WDR26: variants seen among roughly 807,000 people sequenced by gnomAD.
WDR26 encodes WD repeat domain 26, also known as WD repeat-containing protein 26.
Under a neutral mutation model 84.1 loss-of-function variants are expected in WDR26, and 5 were observed. The observed-to-expected ratio is 0.06, with a 90% CI of 0.03 to 0.13. The LOEUF is 0.13. Among genes scored for constraint, WDR26 ranks in the 10% least tolerant of loss-of-function variants. The pLI is 1.00. For missense variants in WDR26, 642 were observed against 974.9 expected, an observed-to-expected ratio of 0.66 and a Z score of 4.55; for synonymous variants, 415 against 389.6, an observed-to-expected ratio of 1.07 and a Z score of -0.77.
chr1:224,434,674 G>A lies in WDR26; in HGVS notation c.-269C>T, dbSNP rs1348737808. ...GGCGCGGGGCCCGCCGCTGGGCTGAGCCCCGGCAGTGGCTGCGGCGGCGGC... is the reference window on the plus strand; with the variant it reads ...GGCGCGGGGCCCGCCGCTGGGCTGAACCCCGGCAGTGGCTGCGGCGGCGGC... On this transcript the variant is annotated 5_prime_UTR_variant, in exon 1 of 14. Transcript: ENST00000414423. The A allele has an allele frequency of 5.8e-6, 5 of 856,022 alleles. No homozygotes were observed. The highest frequency in any genetic ancestry group is 7.0e-6 in the Non-Finnish European group (5 of 714,406). The allele number at this position is 856,022 out of a possible 1,614,324, so 53.0% of individuals were successfully genotyped here. A position where few individuals can be genotyped will look rare whatever the true frequency, so the allele number is the denominator to read the frequency against.
chr1:224,434,346 G>A lies in WDR26; in HGVS notation c.60C>T (p.Thr20=), dbSNP rs1470636100. Residue 20 remains threonine (T), a synonymous_variant, in exon 1 of 14, where the codon ACC becomes ACT. Transcript: ENST00000414423. ...TCCGCGGGGGCGGGGAGGCTCCGCC[G>A]GTGTCCGAGTCGGAGGAGGAGGAAG... 3.3e-6 allele frequency: 4 copies of A among 1,228,684 alleles called. No individual in the cohort carries two copies. Among genetic ancestry groups the A allele is most frequent in the Non-Finnish European group, 4.1e-6 (4 of 986,484 alleles). The allele number at this position is 1,228,684 out of a possible 1,614,324, so 76.1% of individuals were successfully genotyped here. A position where few individuals can be genotyped will look rare whatever the true frequency, so the allele number is the denominator to read the frequency against.
At chr1:224,422,773 TATA>T (rs1674101908) in intron 4 of WDR26, among the ~76,000 whole-genome samples, 1 of 151,872 alleles carries the variant, frequency 6.6e-6, no homozygotes, top group Non-Finnish European at 1.5e-5. Context: ...GGGAAGCTAC[TATA>T]ATATTCTAGG....
chr1:224,404,260 T>C (rs1019380757), intron 8 of WDR26, among the ~76,000 whole-genome samples, 170 bp downstream of exon 8: 4 of 152,214 alleles, frequency 2.6e-5, no homozygotes, highest in African/African-American at 9.6e-5. Context: ...CTGAGCATAA[T>C]ACTTAAATTG....
At chr1:224,418,469 T>C in intron 5 of WDR26, 53 bp from the exon 6 acceptor site, 1 of 1,492,012 alleles carries the variant, frequency 6.7e-7, no homozygotes. Context: ...TGTAAACTTT[T>C]ATTTAAGACA....
At chr1:224,396,538 G>C (rs537108715) in intron 12 of WDR26, among the ~76,000 whole-genome samples, 17 of 152,312 alleles carry the variant, frequency 1.1e-4, no homozygotes, top group African/African-American at 4.1e-4. Flanking sequence ...AAAGCCAATA[G>C]AGAATCTAGA....
intron 11 of WDR26, 34 bp downstream of exon 11, chr1:224,398,481 C>T (rs1011847215): frequency 1.9e-6 from 3 of 1,555,428 alleles, no homozygotes; most frequent in Non-Finnish European, 2.6e-6. Context: ...TGTACTAAGC[C>T]AAATTTTTCA....
chr1:224,403,377 T>A (rs1673468181), intron 8 of WDR26, among the ~76,000 whole-genome samples: 1 of 152,222 alleles, frequency 6.6e-6, no homozygotes, highest in Non-Finnish European at 1.5e-5. Context: ...TGCATGTATG[T>A]ACAAACAAAA....
At chr1:224,402,574 G>A (rs989338803) in intron 8 of WDR26, among the ~76,000 whole-genome samples, 2 of 152,180 alleles carry the variant, frequency 1.3e-5, no homozygotes, top group African/African-American at 2.4e-5. Flanking sequence ...CACAATGAAA[G>A]TTATGTTAGA....
At position 224,433,952 on chromosome 1, in the gene WDR26, C is replaced by A; in HGVS notation, c.454G>T (p.Asp152Tyr). The A allele has an allele frequency of 6.5e-7, 1 of 1,532,452 alleles. No homozygotes were observed. The highest frequency in any genetic ancestry group is 8.7e-7 in the Non-Finnish European group (1 of 1,143,650). 94.9% of individuals were successfully genotyped at this position (1,532,452 alleles called of 1,614,324 possible). The change falls in exon 1 of 14, where the codon GAC (aspartate) becomes TAC (tyrosine). Residue 152 changes from aspartate to tyrosine, a missense_variant. Physicochemically the swap from Asp to Tyr is radical, Grantham distance 160. Transcript: ENST00000414423. ...AGGAGCCCATTGGCGTGGGCCAGGT[C>A]CCCCGCGGACGACGACGACGAGGGG...
intron 6 of WDR26, among the ~76,000 whole-genome samples, chr1:224,412,607 T>C (rs1447828142): frequency 1.3e-5 from 2 of 152,172 alleles, no homozygotes; most frequent in Non-Finnish European, 2.9e-5. Context: ...AAATGACTAT[T>C]TTCATTAAGC....
rs1283108301 is a variant in WDR26 at position 224,419,572 on chromosome 1, C to G, written c.1108G>C (p.Glu370Gln). Residue 370 changes from glutamate to glutamine, a missense_variant, in exon 5 of 14, where the codon GAA (glutamate) becomes CAA (glutamine). By Grantham distance (29) the Glu-to-Gln change is conservative (BLOSUM62 2). This residue lies in a region of WDR26 where 351 missense variants were observed against 672.8 expected (regional missense o/e 0.52). Transcript: ENST00000414423. ...GAAGCTGTCCCTTTGCCTTCCCATTCTGCTTTTGCACGTAGGTCTTCTGCA... is the reference window on the plus strand; with the variant it reads ...GAAGCTGTCCCTTTGCCTTCCCATTGTGCTTTTGCACGTAGGTCTTCTGCA... 1.2e-6 allele frequency: 2 copies of G among 1,614,138 alleles called. No homozygotes were observed. The highest frequency in any genetic ancestry group is 2.2e-5 in the South Asian group (2 of 91,086).
chr1:224,433,600 T>TCCCCCCCCCCCCCCCCC, intron 1 of WDR26, 84 bp downstream of exon 1: 1 of 287,054 alleles, frequency 3.5e-6, no homozygotes, highest in Non-Finnish European at 6.3e-6. Flanking sequence ...CAAGCCCCCC[T>TCCCCCCCCCCCCCCCCC]CCCCCCTCCG....
chr1:224,401,892 T>A (rs768241854), intron 8 of WDR26: 10 of 152,080 alleles, frequency 6.6e-5, no homozygotes, highest in South Asian at 2.1e-4. Context: ...TGTGTACTGT[T>A]TAACATAGCC....
intron 7 of WDR26, among the ~76,000 whole-genome samples, chr1:224,407,461 A>AAC (rs370392971): frequency 1.4e-4 from 21 of 148,278 alleles, no homozygotes; most frequent in African/African-American, 4.2e-4. Context: ...TCTCCATTAA[A>AAC]ACACACACAC....
At position 224,424,539 on chromosome 1, in the gene WDR26, T is replaced by A; in HGVS notation, c.1043A>T (p.Glu348Val). 1 of 1,613,948 alleles carries A rather than the reference T, an allele frequency of 6.2e-7. No individual in the cohort carries two copies. The stretch of plus-strand genomic sequence containing the variant: ...TTACCCACTAAGAACATGAATGCGC[T>A]CTGTATTGTATTTCAGCGGCGTCAA... Residue 348 changes from glutamate to valine, a missense_variant, in exon 4 of 14, where the codon GAG becomes GTG. Physicochemically the swap from Glu to Val is moderately radical, Grantham distance 121. Coordinates refer to ENST00000414423, the MANE Select transcript of WDR26 (RefSeq NM_001379403.1).
Position 224,398,141 on chromosome 1 carries a change from C to G in WDR26, c.2030G>C (p.Cys677Ser), listed in dbSNP as rs758054962. Residue 677 changes from cysteine to serine, a missense_variant, in exon 12 of 14, where the codon TGT (cysteine) becomes TCT (serine). Physicochemically the swap from Cys to Ser is moderately radical, Grantham distance 112 (BLOSUM62 -1). Coordinates refer to ENST00000414423, the MANE Select transcript of WDR26 (RefSeq NM_001379403.1). ...GAAGTCTTCATTATGGCCTCCAAAA[C>G]ATGAATGAATTGTATAAAACCCTTG... 1.9e-6 allele frequency: 3 copies of G among 1,613,660 alleles called. No individual in the cohort carries two copies. Among genetic ancestry groups the G allele is most frequent in the Non-Finnish European group, 2.5e-6 (3 of 1,179,882 alleles).
chr1:224,404,331 TTGAA>T, intron 8 of WDR26, 95 bp downstream of exon 8: 1 of 1,390,706 alleles, frequency 7.2e-7, no homozygotes, highest in Non-Finnish European at 9.5e-7. Context: ...GTAATTTAGG[TTGAA>T]TGGTTATATT....
At chr1:224,422,291 A>G (rs1238085272) in intron 4 of WDR26, among the ~76,000 whole-genome samples, 1 of 152,236 alleles carries the variant, frequency 6.6e-6, no homozygotes, top group African/African-American at 2.4e-5. Context: ...GAAAAGGATC[A>G]GGGATTTTGT....
intron 4 of WDR26, 83 bp downstream of exon 4, chr1:224,424,435 A>G: frequency 6.5e-7 from 1 of 1,536,544 alleles, no homozygotes; most frequent in Non-Finnish European, 8.8e-7. Flanking sequence ...AGCAATAATC[A>G]AGATTTTATA....
Sources: allele counts gnomAD v4.1 joint callset (sites outside exome capture counted in the v4.1 genomes callset), GRCh38; gene constraint gnomAD v4.1.1; regional missense constraint gnomAD v4.1.1; transcripts MANE v1.5; gene names NCBI Gene and HGNC (gene_info 2026-07-23, HGNC 2026-07-21).